Variants in DOCK1 observed in about 807,000 individuals in gnomAD.
The protein encoded by DOCK1 is dedicator of cytokinesis 1.
Under a neutral mutation model 262.7 loss-of-function variants are expected in DOCK1, and 138 were observed. The ratio of observed to expected loss-of-function variants is 0.53; its 90% CI spans 0.46 to 0.61. DOCK1 has a LOEUF of 0.61. Ranked by LOEUF, DOCK1 falls within the 20% of genes least tolerant of loss-of-function variation. The pLI is 0.00. For synonymous variants in DOCK1, 866 were observed against 867.4 expected (o/e 1.00, Z 0.03); for missense variants, 1,908 against 2,370.7 (o/e 0.80, Z 4.05).
At chr10:126,949,413 G>C (rs2035975819) in intron 1 of DOCK1, among the ~76,000 whole-genome samples, 1 of 152,128 alleles carries the variant, frequency 6.6e-6, no homozygotes, top group Non-Finnish European at 1.5e-5. Flanking sequence ...TGAGCCTTTG[G>C]CAGTGAACAC....
chr10:126,933,102 T>C (rs2034304622), intron 1 of DOCK1, among the ~76,000 whole-genome samples: 2 of 152,068 alleles, frequency 1.3e-5, no homozygotes, highest in African/African-American at 2.4e-5. Flanking sequence ...GGGACCTTCC[T>C]CTGGGAGGCT....
chr10:127,038,886 G>A (rs1002319259), intron 19 of DOCK1, among the ~76,000 whole-genome samples: 19 of 152,136 alleles, frequency 1.2e-4, no homozygotes, highest in Non-Finnish European at 2.4e-4. Flanking sequence ...GTGAGGAAGC[G>A]AATTTCCATT....
intron 29 of DOCK1, among the ~76,000 whole-genome samples, chr10:127,329,563 C>T (rs1300876743): frequency 6.6e-6 from 1 of 151,954 alleles, no homozygotes; most frequent in Non-Finnish European, 1.5e-5. Flanking sequence ...GACTCTGGGG[C>T]GACCCAAGAC....
At position 127,377,967 on chromosome 10, in the gene DOCK1, T is replaced by G. The variant is rs564988195; in HGVS notation, c.3676-2115T>G. On this transcript the variant is annotated intron_variant, in intron 35 of 51. Coordinates refer to ENST00000623213, the MANE Select transcript of DOCK1 (RefSeq NM_001290223.2). Reference sequence around the variant, plus strand: ...CAGTCACTCTGCTTGGCCACCTAAGTCCCCAGGACATCTCCTGCAAGGATG... The same window carrying G: ...CAGTCACTCTGCTTGGCCACCTAAGGCCCCAGGACATCTCCTGCAAGGATG... Among the ~76,000 whole-genome samples the G allele has an allele frequency of 2.0e-5, 3 of 151,662 alleles. No individual in the cohort carries two copies. The East Asian group carries it at 5.8e-4, about 29-fold the overall frequency.
rs538281125 is a variant in DOCK1 at position 127,076,873 on chromosome 10, C to A, written c.2445+15097C>A. Among the ~76,000 whole-genome samples, 37 of 152,276 alleles carry A rather than the reference C, an allele frequency of 2.4e-4. No individual in the cohort carries two copies. In the East Asian group the frequency reaches 6.6e-3, roughly 27 times the overall value. On this transcript the variant is annotated intron_variant, in intron 23 of 51. Transcript: ENST00000623213. ...GGGGCCCCTGCTTGTCCCTGGGGTG[C>A]AGGAATTCTTAAGCACCTCTGGCAT...
intron 30 of DOCK1, among the ~76,000 whole-genome samples, chr10:127,341,932 T>A (rs1391659959): frequency 6.6e-6 from 1 of 152,202 alleles, no homozygotes; most frequent in Non-Finnish European, 1.5e-5. Flanking sequence ...CCAGCACAGA[T>A]CTTAATTTAA....
intron 23 of DOCK1, among the ~76,000 whole-genome samples, chr10:127,081,629 ATGGTG>A (rs1469882990): frequency 6.6e-6 from 1 of 151,996 alleles, no homozygotes; most frequent in Non-Finnish European, 1.5e-5. Flanking sequence ...CTCCCCAGTA[ATGGTG>A]GCTTCAATTG....
At chr10:127,077,487 C>T (rs1441328157) in intron 23 of DOCK1, among the ~76,000 whole-genome samples, 1 of 152,126 alleles carries the variant, frequency 6.6e-6, no homozygotes, top group Non-Finnish European at 1.5e-5. Context: ...AGACATGGGC[C>T]TCTTTGTGGA....
chr10:127,432,154 A>G (rs1205858465), intron 47 of DOCK1, among the ~76,000 whole-genome samples: 1 of 152,200 alleles, frequency 6.6e-6, no homozygotes. Flanking sequence ...TCCTGGTGCC[A>G]AAAAGGTTGG....
chr10:126,952,532 G>A (rs1054808785), intron 1 of DOCK1, among the ~76,000 whole-genome samples: 19 of 142,666 alleles, frequency 1.3e-4, no homozygotes, highest in East Asian at 2.2e-4. Flanking sequence ...TTGGTAGTAC[G>A]GTTGGTGATG....
intron 11 of DOCK1, among the ~76,000 whole-genome samples, chr10:127,010,409 A>G (rs933031010): frequency 9.2e-5 from 14 of 152,156 alleles, no homozygotes; most frequent in African/African-American, 2.2e-4. Context: ...AGAGGTTGCA[A>G]TGAGCCAAGA....
At chr10:127,341,524 T>C (rs1192371476) in intron 30 of DOCK1, among the ~76,000 whole-genome samples, 1 of 152,254 alleles carries the variant, frequency 6.6e-6, no homozygotes, top group Non-Finnish European at 1.5e-5. Flanking sequence ...TACTTTGCAG[T>C]ATTTTTTTCC....
intron 27 of DOCK1, among the ~76,000 whole-genome samples, chr10:127,240,125 G>A (rs1355138732): frequency 6.6e-6 from 1 of 151,964 alleles, no homozygotes; most frequent in Non-Finnish European, 1.5e-5. Flanking sequence ...TATAGTGCCT[G>A]GAATGGTATG....
At chr10:127,291,842 AATC>A (rs1320207438) in intron 29 of DOCK1, among the ~76,000 whole-genome samples, 1 of 152,178 alleles carries the variant, frequency 6.6e-6, no homozygotes, top group Non-Finnish European at 1.5e-5. Context: ...TGCAGACATA[AATC>A]ATCTTTTAAA....
At chr10:126,942,951 A>G (rs2134268778) in intron 1 of DOCK1, among the ~76,000 whole-genome samples, 2 of 152,274 alleles carry the variant, frequency 1.3e-5, no homozygotes, top group East Asian at 3.9e-4. Flanking sequence ...TCATCTAGAA[A>G]TGATCATTAA....
In DOCK1 at chr10:127,057,268, A is replaced by G. The variant is rs1335844815; in HGVS notation, c.2337-4400A>G. On this transcript the variant is annotated intron_variant, in intron 22 of 51. Transcript: ENST00000623213. ...ACAATTGTGCTCACAGCTGGAATTC[A>G]TGAGTGTGTTTTCCTTTTTGCAGCT... Among the ~76,000 whole-genome samples, 8 of 152,308 alleles carry G rather than the reference A, an allele frequency of 5.3e-5. No individual in the cohort carries two copies. The East Asian group carries it at 1.5e-3, about 29-fold the overall frequency.
At chr10:126,918,018 GC>G (rs1395011178) in intron 1 of DOCK1, among the ~76,000 whole-genome samples, 2 of 152,190 alleles carry the variant, frequency 1.3e-5, no homozygotes, top group African/African-American at 4.8e-5. Flanking sequence ...ACTCAGCTGT[GC>G]CCATTGAGAG....
chr10:127,012,121 C>A lies in DOCK1; in HGVS notation c.1059-111C>A. 1 of 648,122 alleles carries A rather than the reference C, an allele frequency of 1.5e-6. No homozygotes were observed. Among genetic ancestry groups the A allele is most frequent in the Non-Finnish European group, 2.8e-6 (1 of 354,044 alleles). The allele number at this position is 648,122 out of a possible 1,614,324, so 40.1% of individuals were successfully genotyped here. A position where few individuals can be genotyped will look rare whatever the true frequency, so the allele number is the denominator to read the frequency against. On this transcript the variant is annotated intron_variant, in intron 11 of 51. Transcript: ENST00000623213. This position sits in a 1 kb window ranked among gnomAD's most constrained non-coding sequence, Gnocchi z 4.0. ...CTTTGTCGTGCGTTGACTCATGATGCCTCCCTCTCGCACTCGGTGACGATG... is the reference window on the plus strand; with the variant it reads ...CTTTGTCGTGCGTTGACTCATGATGACTCCCTCTCGCACTCGGTGACGATG...
At chr10:127,245,961 C>A (rs1181026074) in intron 27 of DOCK1, among the ~76,000 whole-genome samples, 5 of 152,140 alleles carry the variant, frequency 3.3e-5, no homozygotes, top group Non-Finnish European at 7.3e-5. Context: ...CTGATATAGG[C>A]CTCTTCTTCA....
Sources: allele counts gnomAD v4.1 joint callset (sites outside exome capture counted in the v4.1 genomes callset), GRCh38; gene constraint gnomAD v4.1.1; non-coding constraint Gnocchi (gnomAD v3.1); transcripts MANE v1.5; gene names NCBI Gene and HGNC (gene_info 2026-07-23, HGNC 2026-07-21).